The following CPQ variants were observed in gnomAD, a reference collection of about 807,000 sequenced individuals.
The protein encoded by CPQ is carboxypeptidase Q, also known as Ser-Met dipeptidase.
In CPQ, 37 loss-of-function variants were observed where a neutral mutation model predicts 45.7. That is an observed-to-expected ratio of 0.81 (90% CI 0.62 to 1.07). CPQ has a LOEUF of 1.07. Among genes scored for constraint, CPQ ranks in the 50% least tolerant of loss-of-function variants. The pLI is 0.00. For missense variants in CPQ, 537 were observed against 572.9 expected, an observed-to-expected ratio of 0.94 and a Z score of 0.64; for synonymous variants, 186 against 205.8, an observed-to-expected ratio of 0.90 and a Z score of 0.82.
chr8:96,935,188 T>C (rs886629277), intron 4 of CPQ, among the ~76,000 whole-genome samples: 1 of 152,062 alleles, frequency 6.6e-6, no homozygotes, highest in African/African-American at 2.4e-5. Flanking sequence ...TGCCTACAAA[T>C]AGTGTCCAAA....
intron 1 of CPQ, among the ~76,000 whole-genome samples, chr8:96,784,447 G>A (rs1248922526): frequency 1.3e-5 from 2 of 151,916 alleles, no homozygotes; most frequent in Admixed American, 6.6e-5. Context: ...AGCTGAGAAG[G>A]CCTCAATGGA....
chr8:97,021,046 A>G (rs754064355), intron 5 of CPQ, among the ~76,000 whole-genome samples: 1 of 152,182 alleles, frequency 6.6e-6, no homozygotes, highest in Non-Finnish European at 1.5e-5. Context: ...GTTTCATACC[A>G]GGGACGCAGG....
intron 1 of CPQ, among the ~76,000 whole-genome samples, chr8:96,747,317 G>C (rs1810201086): frequency 6.7e-6 from 1 of 149,478 alleles, no homozygotes; most frequent in African/African-American, 2.4e-5. Context: ...AACACTGTTT[G>C]ACTCATTATT....
chr8:96,746,900 A>G (rs1365807051), intron 1 of CPQ, among the ~76,000 whole-genome samples: 1 of 152,192 alleles, frequency 6.6e-6, no homozygotes. Flanking sequence ...CCACAGCTCT[A>G]CTAGCCAAAT....
At chr8:96,836,609 A>G (rs1299558092) in intron 3 of CPQ, among the ~76,000 whole-genome samples, 1 of 152,174 alleles carries the variant, frequency 6.6e-6, no homozygotes, top group African/African-American at 2.4e-5. Flanking sequence ...CCTTGGAATA[A>G]CATATTCAGC....
chr8:96,931,607 T>C lies in CPQ; in HGVS notation c.850-34328T>C, dbSNP rs149444553. Among the ~76,000 whole-genome samples the C allele has an allele frequency of 2.2e-3, 335 of 152,238 alleles. 2 individuals are homozygous for C. Among genetic ancestry groups the C allele is most frequent in the African/African-American group, 7.7e-3 (318 of 41,550 alleles). ...CCACTATGGTCTTAGCTTCCTTTAG[T>C]ATGACTTCCCTTTCTTCAGCTGGAG... On this transcript the variant is annotated intron_variant, in intron 4 of 7. Coordinates refer to ENST00000220763, the MANE Select transcript of CPQ (RefSeq NM_016134.4).
At chr8:96,755,934 G>A (rs903444496) in intron 1 of CPQ, among the ~76,000 whole-genome samples, 2 of 151,896 alleles carry the variant, frequency 1.3e-5, no homozygotes, top group African/African-American at 4.8e-5. Flanking sequence ...CATTCAATTA[G>A]TGCAGCAGGA....
At chr8:97,023,254 C>T (rs1809741570) in intron 5 of CPQ, among the ~76,000 whole-genome samples, 1 of 151,704 alleles carries the variant, frequency 6.6e-6, no homozygotes, top group African/African-American at 2.4e-5. Context: ...TGTTCTCACT[C>T]ATATGTGGGA....
At chr8:96,851,797 A>G (rs1811774567) in intron 3 of CPQ, among the ~76,000 whole-genome samples, 1 of 152,224 alleles carries the variant, frequency 6.6e-6, no homozygotes, top group Non-Finnish European at 1.5e-5. Context: ...AGGGGACTCG[A>G]CAGTCTTGGG....
In CPQ at chr8:96,745,821, C is replaced by G. The variant is rs13267223; in HGVS notation, c.-34-39043C>G. 4.1e-3 allele frequency among the ~76,000 whole-genome samples: 631 copies of G among 152,262 alleles called. 2 individuals carry two copies. Among genetic ancestry groups the G allele is most frequent in the Non-Finnish European group, 6.1e-3 (415 of 68,036 alleles). ...CTATCATTTGAAATGGTAAGCATCC[C>G]ATCACTGGGCATTTCTAAACAGAGG... On this transcript the variant is annotated intron_variant, in intron 1 of 7. Transcript: ENST00000220763.
intron 2 of CPQ, among the ~76,000 whole-genome samples, chr8:96,817,105 A>G (rs1811238357): frequency 6.6e-6 from 1 of 152,158 alleles, no homozygotes; most frequent in Admixed American, 6.5e-5. Context: ...TAGCTATGAA[A>G]GTTCTAGATC....
At chr8:97,140,927 C>T (rs1242670201) in intron 7 of CPQ, among the ~76,000 whole-genome samples, 1 of 151,976 alleles carries the variant, frequency 6.6e-6, no homozygotes, top group South Asian at 2.1e-4. Flanking sequence ...TGGCACAATC[C>T]GTACCGCAGA....
intron 6 of CPQ, among the ~76,000 whole-genome samples, chr8:97,040,105 TAA>T (rs1810090579): frequency 6.7e-6 from 1 of 148,996 alleles, no homozygotes. Flanking sequence ...ACCAACAGTG[TAA>T]AAGTGTTCCT....
intron 5 of CPQ, among the ~76,000 whole-genome samples, chr8:97,017,313 AG>A (rs543181360): frequency 3.9e-4 from 60 of 152,204 alleles, no homozygotes; most frequent in African/African-American, 1.4e-3. Flanking sequence ...GGGGTCCTTG[AG>A]GAGGGGTGCT....
intron 2 of CPQ, among the ~76,000 whole-genome samples, chr8:96,796,075 T>C (rs1410773476): frequency 6.6e-6 from 1 of 152,138 alleles, no homozygotes; most frequent in Non-Finnish European, 1.5e-5. Context: ...ATTTATATTC[T>C]TGATATATTT....
intron 7 of CPQ, among the ~76,000 whole-genome samples, chr8:97,140,941 G>A (rs1812149635): frequency 6.6e-6 from 1 of 152,040 alleles, no homozygotes; most frequent in Admixed American, 6.6e-5. Context: ...CCGCAGATCA[G>A]TGGAGAAAGA....
chr8:96,873,131 G>A (rs1001959868), intron 3 of CPQ, among the ~76,000 whole-genome samples: 11 of 151,666 alleles, frequency 7.3e-5, no homozygotes, highest in African/African-American at 2.4e-4. Flanking sequence ...TGAGATTTGC[G>A]GATGAACATA....
In CPQ at chr8:96,745,522, CT is replaced by C. The variant is rs1269708437; in HGVS notation, c.-34-39338del. Reference sequence around the variant, plus strand: ...TATGTGCCAGGAAAATTGCTAAATACTTTTCACATATAGCTTAATTCATACA... The same window carrying C: ...TATGTGCCAGGAAAATTGCTAAATACTTTCACATATAGCTTAATTCATACA... On this transcript the variant is annotated intron_variant, in intron 1 of 7. Transcript: ENST00000220763. Among the ~76,000 whole-genome samples the C allele has an allele frequency of 3.9e-5, 6 of 152,242 alleles. No individual in the cohort carries two copies. The East Asian group carries it at 1.2e-3, about 29-fold the overall frequency.
chr8:96,830,284 A>G (rs957915107), intron 2 of CPQ, among the ~76,000 whole-genome samples: 4 of 152,170 alleles, frequency 2.6e-5, no homozygotes, highest in Non-Finnish European at 4.4e-5. Flanking sequence ...TTTTGATGGT[A>G]GAAAATGTTG....
Sources: gnomAD v4.1 joint callset for allele counts (sites outside exome capture counted in the v4.1 genomes callset) on GRCh38, gnomAD v4.1.1 for gene constraint, MANE v1.5 for transcripts, NCBI Gene and HGNC (gene_info 2026-07-23, HGNC 2026-07-21) for gene names.